CSMD1: variants seen among roughly 807,000 people sequenced by gnomAD.
The protein encoded by CSMD1 is CUB and sushi domain-containing protein 1.
Under a neutral mutation model 417.5 loss-of-function variants are expected in CSMD1, and 213 were observed. That is an observed-to-expected ratio of 0.51 (90% CI 0.46 to 0.57). CSMD1 has a LOEUF of 0.57. CSMD1 is among the 20% of genes least tolerant of loss of function. The probability of loss-of-function intolerance (pLI) is 0.00; values close to 1 mark genes in which losing one functional copy is unlikely to be tolerated. For synonymous variants in CSMD1, 2,862 were observed against 1,736.8 expected (o/e 1.65, Z -16.11); for missense variants, 6,923 against 4,529.7 (o/e 1.53, Z -15.17).
intron 8 of CSMD1, among the ~76,000 whole-genome samples, chr8:3,595,578 T>C (rs778692503): frequency 6.6e-6 from 1 of 152,146 alleles, no homozygotes; most frequent in African/African-American, 2.4e-5. Context: ...GATCCCTTAA[T>C]GACAATCAAA....
intron 3 of CSMD1, among the ~76,000 whole-genome samples, chr8:4,365,826 T>C (rs1802036324): frequency 6.6e-6 from 1 of 152,216 alleles, no homozygotes; most frequent in Non-Finnish European, 1.5e-5. Context: ...TCTTTTGACT[T>C]TTCTAGATTC....
intron 2 of CSMD1, among the ~76,000 whole-genome samples, chr8:4,525,043 T>C (rs572205528): frequency 2.6e-5 from 4 of 152,262 alleles, no homozygotes; most frequent in East Asian, 1.9e-4. Flanking sequence ...CATTCAATAT[T>C]TTCTGTTAAC....
At chr8:4,819,982 G>T (rs1585155023) in intron 1 of CSMD1, among the ~76,000 whole-genome samples, 4 of 152,226 alleles carry the variant, frequency 2.6e-5, no homozygotes, top group Admixed American at 2.0e-4. Flanking sequence ...ATTGTAATTG[G>T]TAAACCTATG....
chr8:4,046,139 A>G (rs1057279982), intron 3 of CSMD1, among the ~76,000 whole-genome samples: 12 of 152,132 alleles, frequency 7.9e-5, no homozygotes, highest in Non-Finnish European at 1.6e-4. Flanking sequence ...ATATATATGT[A>G]TTATGTATCA....
At chr8:4,916,583 G>A (rs181225662) in intron 1 of CSMD1, among the ~76,000 whole-genome samples, 1 of 152,220 alleles carries the variant, frequency 6.6e-6, no homozygotes, top group Non-Finnish European at 1.5e-5. Flanking sequence ...CTCAATAAAT[G>A]TAAGTTGAAA....
At chr8:4,056,421 T>C (rs1798694387) in intron 3 of CSMD1, among the ~76,000 whole-genome samples, 2 of 151,788 alleles carry the variant, frequency 1.3e-5, no homozygotes. Flanking sequence ...TTTTTTTTGT[T>C]TGTGCCAAAC....
intron 65 of CSMD1, among the ~76,000 whole-genome samples, chr8:2,952,281 C>G (rs1367000964): frequency 6.6e-6 from 1 of 152,148 alleles, no homozygotes; most frequent in East Asian, 1.9e-4. Context: ...GTCTCCCTAA[C>G]CCATTTTTTA....
chr8:4,807,810 C>A (rs144496090), intron 1 of CSMD1, among the ~76,000 whole-genome samples: 1 of 151,954 alleles, frequency 6.6e-6, no homozygotes, highest in Admixed American at 6.6e-5. Flanking sequence ...TCCATAGAAG[C>A]CAGCCATAAT....
intron 1 of CSMD1, among the ~76,000 whole-genome samples, chr8:4,676,856 G>C (rs990083381): frequency 4.0e-5 from 6 of 150,134 alleles, no homozygotes; most frequent in Non-Finnish European, 1.5e-5. Context: ...TTTATATATT[G>C]AGAGAGAGAT....
chr8:4,510,764 CTCTCTTCCTTCCCCTT>C (rs1310946128), intron 2 of CSMD1, among the ~76,000 whole-genome samples: 8 of 145,516 alleles, frequency 5.5e-5, no homozygotes, highest in Non-Finnish European at 9.1e-5. Flanking sequence ...TCCTTCCCTC[CTCTCTTCCTTCCCCTT>C]TCTCTTCCTT....
At chr8:3,769,478 G>A (rs923780533) in intron 5 of CSMD1, among the ~76,000 whole-genome samples, 1 of 117,276 alleles carries the variant, frequency 8.5e-6, no homozygotes, top group Non-Finnish European at 2.1e-5. Context: ...TTCCACAGTT[G>A]TTGAGAAAAT....
At chr8:3,652,981 G>C (rs945283848) in intron 7 of CSMD1, among the ~76,000 whole-genome samples, 8 of 152,078 alleles carry the variant, frequency 5.3e-5, no homozygotes, top group Non-Finnish European at 1.5e-5. Context: ...AGTATAATTA[G>C]CATTGTCTGC....
chr8:3,501,495 A>C (rs1192355567), intron 10 of CSMD1, among the ~76,000 whole-genome samples: 2 of 152,224 alleles, frequency 1.3e-5, no homozygotes, highest in Non-Finnish European at 2.9e-5. Context: ...ATAAATCAGT[A>C]CCAAGACCCT....
At chr8:4,443,939 A>T (rs904468196) in intron 2 of CSMD1, among the ~76,000 whole-genome samples, 5 of 152,168 alleles carry the variant, frequency 3.3e-5, no homozygotes, top group Non-Finnish European at 7.3e-5. Flanking sequence ...ATATACATGC[A>T]TATATTCGTG....
At chr8:3,853,450 TAA>T (rs1804054661) in intron 5 of CSMD1, among the ~76,000 whole-genome samples, 1 of 152,206 alleles carries the variant, frequency 6.6e-6, no homozygotes, top group South Asian at 2.1e-4. Context: ...CAGGAAATGG[TAA>T]ACTCTGTGAA....
intron 1 of CSMD1, among the ~76,000 whole-genome samples, chr8:4,889,338 T>C (rs1437754716): frequency 6.6e-6 from 1 of 152,058 alleles, no homozygotes; most frequent in Non-Finnish European, 1.5e-5. Context: ...ATGAATCAAG[T>C]TTTCTACAAA....
rs568231978 is a variant in CSMD1 at position 4,833,954 on chromosome 8, T to G, written c.85+160378A>C. Among the ~76,000 whole-genome samples, 13 of 152,306 alleles carry G rather than the reference T, an allele frequency of 8.5e-5. No individual in the cohort carries two copies. The South Asian group carries it at 2.3e-3, about 27-fold the overall frequency. ...ATTCCACAGCGGCCCCTGACTAGTC[T>G]TCACTATCTTAGCACCTTGAAGAGT... is the stretch of plus-strand genomic sequence containing the variant. On this transcript the variant is annotated intron_variant, in intron 1 of 69. Transcript: ENST00000635120.
At chr8:4,964,947 G>C (rs904228073) in intron 1 of CSMD1, among the ~76,000 whole-genome samples, 1 of 152,090 alleles carries the variant, frequency 6.6e-6, no homozygotes, top group Non-Finnish European at 1.5e-5. Context: ...ACCTTTCTTT[G>C]CATATGTACT....
At chr8:3,469,083 A>G (rs753539242) in intron 11 of CSMD1, 37 of 321,110 alleles carry the variant, frequency 1.2e-4, no homozygotes, top group Non-Finnish European at 2.0e-4. Context: ...AGGGCAATCA[A>G]CCATCCCATT....
Sources: gnomAD v4.1 joint callset for allele counts (sites outside exome capture counted in the v4.1 genomes callset) on GRCh38, gnomAD v4.1.1 for gene constraint, MANE v1.5 for transcripts, NCBI Gene and HGNC (gene_info 2026-07-23, HGNC 2026-07-21) for gene names.